Variants in GCC2 observed in about 807,000 individuals in gnomAD.
GCC2 encodes GRIP and coiled-coil domain-containing protein 2.
A neutral mutation model predicts 210.6 loss-of-function variants in GCC2; 120 were observed. That is an observed-to-expected ratio of 0.57 (90% CI 0.49 to 0.66). The LOEUF is 0.66. Ranked by LOEUF, GCC2 falls within the 30% of genes least tolerant of loss-of-function variation. The pLI is 0.00. For missense variants in GCC2, 1,868 were observed against 1,871.9 expected (o/e 1.00, Z 0.04); for synonymous variants, 703 against 652.7 (o/e 1.08, Z -1.17).
intron 4 of GCC2, among the ~76,000 whole-genome samples, chr2:108,460,523 C>A (rs913358893): frequency 3.4e-4 from 51 of 152,176 alleles, no homozygotes; most frequent in African/African-American, 1.1e-3. Flanking sequence ...TGTTGCTTTA[C>A]CACTGAGTTT....
At chr2:108,462,236 T>C (rs1055933790) in intron 4 of GCC2, among the ~76,000 whole-genome samples, 5 of 144,704 alleles carry the variant, frequency 3.5e-5, no homozygotes, top group African/African-American at 1.3e-4. Context: ...CTCACGCCTG[T>C]AATCCCAGCA....
At position 108,495,435 on chromosome 2, in the gene GCC2, C is replaced by A. The variant is rs199725467; in HGVS notation, c.4592C>A (p.Thr1531Lys). The change falls in exon 20 of 23, where the codon ACA (threonine) becomes AAA (lysine). Residue 1531 changes from threonine (T) to lysine (K), a missense_variant. Physicochemically the swap from Thr to Lys is moderately conservative, Grantham distance 78. Coordinates refer to ENST00000309863, the MANE Select transcript of GCC2 (RefSeq NM_181453.4). Reference protein sequence around the residue: ...TDTESVSSASTYTQSLEQLLN... With the variant: ...TDTESVSSASKYTQSLEQLLN... ...ACGGAGTCTGTGTCTTCCGCCAGCA[C>A]ATACACACAGTCTTTAGAGCAGCTG... The A allele has an allele frequency of 1.9e-5, 30 of 1,594,180 alleles. No homozygotes were observed. Among genetic ancestry groups the A allele is most frequent in the Admixed American group, 6.7e-5 (4 of 59,866 alleles).
chr2:108,492,636 G>T lies in GCC2; in HGVS notation c.4293G>T (p.Gln1431His), dbSNP rs774746560. The change falls in exon 19 of 23, where the codon CAG becomes CAT. Residue 1431 changes from glutamine (Q) to histidine (H), a missense_variant. Around this residue, in one of 3 missense-constraint regions of GCC2, gnomAD observed 1,847 missense variants for 1,765.2 expected, o/e 1.05. Coordinates refer to ENST00000309863, the MANE Select transcript of GCC2 (RefSeq NM_181453.4). ...CTGAACATACACAGACTGTGAGTCAGCTAACATCCCAGAACGAGGTCCTTC... is the reference window on the plus strand; with the variant it reads ...CTGAACATACACAGACTGTGAGTCATCTAACATCCCAGAACGAGGTCCTTC... The part of the protein sequence containing the change: ...MKSEHTQTVS[Q>H]LTSQNEVLRN... The T allele has an allele frequency of 6.2e-7, 1 of 1,613,858 alleles. No homozygotes were observed.
intron 17 of GCC2, among the ~76,000 whole-genome samples, chr2:108,488,095 C>T (rs911165126): frequency 1.3e-5 from 2 of 151,576 alleles, no homozygotes; most frequent in African/African-American, 2.4e-5. Context: ...TTATTAGAGA[C>T]GGGGTTTCAC....
intron 4 of GCC2, among the ~76,000 whole-genome samples, chr2:108,458,374 C>CTTTTTTTTTTTTTTTT (rs70956257): frequency 1.0e-4 from 10 of 100,298 alleles, no homozygotes; most frequent in South Asian, 3.3e-4. Context: ...TTGTTGCTTT[C>CTTTTTTTTTTTTTTTT]TTTTTTTTTT....
At chr2:108,487,157 T>C (rs1682182094) in intron 16 of GCC2, among the ~76,000 whole-genome samples, 1 of 152,176 alleles carries the variant, frequency 6.6e-6, no homozygotes, top group Non-Finnish European at 1.5e-5. Context: ...TTTTGAAAAC[T>C]GAAGTTCAAA....
chr2:108,472,034 T>C lies in GCC2; in HGVS notation c.2705T>C (p.Phe902Ser). Reference protein sequence around the residue: ...SEIHNEKEKCFIKEHENLKPL... With the variant: ...SEIHNEKEKCSIKEHENLKPL... ...ATCCATAATGAAAAAGAAAAATGTT[T>C]TATAAAGGAACATGAAAACCTAAAG... is the stretch of plus-strand genomic sequence containing the variant. Residue 902 changes from phenylalanine to serine, a missense_variant, in exon 6 of 23, where the codon TTT (phenylalanine) becomes TCT (serine). By Grantham distance (155) the Phe-to-Ser change is radical (BLOSUM62 -2). Transcript: ENST00000309863. 5 of 1,594,100 alleles carry C rather than the reference T, an allele frequency of 3.1e-6. No homozygotes were observed. Among genetic ancestry groups the C allele is most frequent in the African/African-American group, 1.4e-5 (1 of 73,550 alleles).
At chr2:108,454,686 A>G (rs1440283226) in intron 4 of GCC2, among the ~76,000 whole-genome samples, 1 of 152,208 alleles carries the variant, frequency 6.6e-6, no homozygotes, top group Non-Finnish European at 1.5e-5. Flanking sequence ...TAAGTTTCTT[A>G]AATTCTTTCT....
chr2:108,493,394 T>G, intron 19 of GCC2: 1 of 970,992 alleles, frequency 1.0e-6, no homozygotes, highest in Non-Finnish European at 1.2e-6. Flanking sequence ...GGCCGACACA[T>G]GTCTTAATTC....
chr2:108,494,083 T>C (rs1269708350), intron 19 of GCC2: 1 of 531,514 alleles, frequency 1.9e-6, no homozygotes, highest in Non-Finnish European at 2.4e-6. Flanking sequence ...TGGTAAACTT[T>C]ACAGTTTAGA....
intron 21 of GCC2, among the ~76,000 whole-genome samples, chr2:108,498,180 T>A (rs1682738165): frequency 1.4e-5 from 2 of 145,552 alleles, no homozygotes; most frequent in South Asian, 4.3e-4. Flanking sequence ...AATGTTATAT[T>A]TTCTTTTTTT....
rs372273173 is a variant in GCC2 at position 108,451,021 on chromosome 2, C to T, written c.64-7C>T. The stretch of plus-strand genomic sequence containing the variant: ...TAACAAGTTGGTAACATGACCACAT[C>T]TTTCAGCTGGAAACATTGCCCAAAG... On this transcript the variant is annotated splice_region_variant and splice_polypyrimidine_tract_variant and intron_variant, in intron 2 of 22. Transcript: ENST00000309863. The T allele has an allele frequency of 1.3e-6, 2 of 1,599,410 alleles. No homozygotes were observed. Among genetic ancestry groups the T allele is most frequent in the Middle Eastern group, 1.7e-4 (1 of 6,044 alleles).
At chr2:108,498,901 C>G (rs1042966867) in intron 21 of GCC2, among the ~76,000 whole-genome samples, 1 of 151,380 alleles carries the variant, frequency 6.6e-6, no homozygotes, top group Non-Finnish European at 1.5e-5. Context: ...CCATGCCATA[C>G]TGGCTTAGTT....
At chr2:108,462,103 C>T (rs1680620422) in intron 4 of GCC2, among the ~76,000 whole-genome samples, 1 of 147,938 alleles carries the variant, frequency 6.8e-6, no homozygotes, top group Non-Finnish European at 1.5e-5. Context: ...TCCCAAAGTG[C>T]TGGGATTACA....
chr2:108,459,044 C>A (rs1056757913), intron 4 of GCC2, among the ~76,000 whole-genome samples: 1 of 151,994 alleles, frequency 6.6e-6, no homozygotes, highest in African/African-American at 2.4e-5. Flanking sequence ...TGGATGTAGG[C>A]GTTTATTGCC....
intron 21 of GCC2, among the ~76,000 whole-genome samples, chr2:108,499,338 G>A (rs1682801563): frequency 1.3e-5 from 2 of 151,586 alleles, no homozygotes; most frequent in African/African-American, 2.4e-5. Flanking sequence ...TGGAGTTCCG[G>A]TTTTCATGTC....
chr2:108,450,698 A>G (rs1419450212), intron 2 of GCC2, among the ~76,000 whole-genome samples: 3 of 152,230 alleles, frequency 2.0e-5, no homozygotes, highest in Non-Finnish European at 4.4e-5. Context: ...CCTGGCCAAC[A>G]TGGTGAAACC....
In GCC2 at chr2:108,458,591, G is replaced by A. The variant is rs145238131; in HGVS notation, c.216+6125G>A. Among the ~76,000 whole-genome samples the A allele has an allele frequency of 2.0e-5, 3 of 151,654 alleles. No homozygotes were observed. The East Asian group carries it at 5.8e-4, about 29-fold the overall frequency. Reference sequence around the variant, plus strand: ...TGGGGAGACTTTTTATTACTGATTCGTTCTTGCTACTCATTATTAATTTGT... The same window carrying A: ...TGGGGAGACTTTTTATTACTGATTCATTCTTGCTACTCATTATTAATTTGT... On this transcript the variant is annotated intron_variant, in intron 4 of 22. Coordinates refer to ENST00000309863, the MANE Select transcript of GCC2 (RefSeq NM_181453.4).
chr2:108,484,070 C>T lies in GCC2; in HGVS notation c.3451-79C>T, dbSNP rs1335761076. 4.8e-6 allele frequency: 4 copies of T among 829,240 alleles called. No homozygotes were observed. The East Asian group carries it at 1.1e-4, about 24-fold the overall frequency. 51.4% of individuals were successfully genotyped at this position (829,240 alleles called of 1,614,324 possible). A position where few individuals can be genotyped will look rare whatever the true frequency, so the allele number is the denominator to read the frequency against. ...ATTTATTGCTGTGGCATCATTTTAG[C>T]AATTTTACAAATGAAAAAAAAAATT... On this transcript the variant is annotated intron_variant, in intron 12 of 22. Coordinates refer to ENST00000309863, the MANE Select transcript of GCC2 (RefSeq NM_181453.4).
Sources: allele counts gnomAD v4.1 joint callset (sites outside exome capture counted in the v4.1 genomes callset), GRCh38; gene constraint gnomAD v4.1.1; regional missense constraint gnomAD v4.1.1; transcripts MANE v1.5; gene names NCBI Gene and HGNC (gene_info 2026-07-23, HGNC 2026-07-21).